LAIR1: variants seen among roughly 807,000 people sequenced by gnomAD.
LAIR1 encodes the protein leukocyte associated immunoglobulin like receptor 1.
A neutral mutation model predicts 32.8 loss-of-function variants in LAIR1; 24 were observed. The observed-to-expected ratio is 0.73, with a 90% CI of 0.53 to 1.03. The LOEUF (loss-of-function observed/expected upper bound fraction) is 1.03. Among genes scored for constraint, LAIR1 ranks in the 50% least tolerant of loss-of-function variants. The probability of loss-of-function intolerance (pLI) is 0.00; values close to 1 mark genes in which losing one functional copy is unlikely to be tolerated. For missense variants in LAIR1, 355 were observed against 347.5 expected, an observed-to-expected ratio of 1.02 and a Z score of -0.17; for synonymous variants, 150 against 140.5, an observed-to-expected ratio of 1.07 and a Z score of -0.48.
intron 7 of LAIR1, 43 bp from the exon 8 acceptor site, chr19:54,356,310 G>T: frequency 6.2e-7 from 1 of 1,606,796 alleles, no homozygotes; most frequent in Non-Finnish European, 8.5e-7. Context: ...CAGCCTGGCG[G>T]CCGAGGACTG....
chr19:54,371,449 A>AC (rs891437746), upstream of LAIR1, among the ~76,000 whole-genome samples: 1 of 150,884 alleles, frequency 6.6e-6, no homozygotes, highest in Non-Finnish European at 1.5e-5. Flanking sequence ...TAAGGGTGTG[A>AC]CCCCATACCC....
chr19:54,367,934 G>A (rs372495867), upstream of LAIR1, among the ~76,000 whole-genome samples: 3 of 150,018 alleles, frequency 2.0e-5, no homozygotes, highest in South Asian at 2.1e-4. Flanking sequence ...CACCACGCCC[G>A]GCTAATTTTT....
rs2082174003 is a variant in LAIR1 at position 54,364,567 on chromosome 19, C to T, written c.34+204G>A. On this transcript the variant is annotated intron_variant, in intron 1 of 9. Coordinates refer to ENST00000391742, the MANE Select transcript of LAIR1 (RefSeq NM_002287.6). This position sits in a 1 kb window ranked among gnomAD's most constrained non-coding sequence, Gnocchi z 4.8. ...CTCCCCCAGCCCTTCTTAAAGCTGA[C>T]CTCATCCCCACACCCGGGCCCCTGT... 4 of 792,894 alleles carry T rather than the reference C, an allele frequency of 5.0e-6. No individual in the cohort carries two copies. The African/African-American group carries it at 5.1e-5, about 10-fold the overall frequency. 49.1% of individuals were successfully genotyped at this position (792,894 alleles called of 1,614,324 possible).
upstream of LAIR1, among the ~76,000 whole-genome samples, chr19:54,371,145 T>TACTC (rs2082396508): frequency 6.6e-6 from 1 of 151,344 alleles, no homozygotes; most frequent in Non-Finnish European, 1.5e-5. Context: ...CTGTAGTGTA[T>TACTC]ACTCCAGCCT....
intron 5 of LAIR1, 71 bp downstream of exon 5, chr19:54,356,857 A>C: frequency 6.3e-7 from 1 of 1,579,788 alleles, no homozygotes; most frequent in Non-Finnish European, 8.7e-7. Flanking sequence ...GATCAACCCC[A>C]AAGCCTGACC....
At chr19:54,371,133 T>C (rs1337423890), upstream of LAIR1, among the ~76,000 whole-genome samples, 12 of 151,378 alleles carry the variant, frequency 7.9e-5, no homozygotes, top group Non-Finnish European at 1.6e-4. Context: ...GCATGTCTAT[T>C]TCTGTAGTGT....
chr19:54,355,337 C>A lies in LAIR1; in HGVS notation c.795G>T (p.Arg265=), dbSNP rs1286209288. Residue 265 remains arginine, a synonymous_variant, in exon 10 of 10, where the codon CGG becomes CGT. Transcript: ENST00000391742. This position sits in a 1 kb window ranked among gnomAD's most constrained non-coding sequence, Gnocchi z 4.7. ...DHWALTQRTA[R]AVSPQSTKPM... Reference sequence around the variant, plus strand: ...GCTTTGTGGACTGTGGGGACACAGCCCGGGCTGTCCTCTGTGTGAGGGCCC... The same window carrying A: ...GCTTTGTGGACTGTGGGGACACAGCACGGGCTGTCCTCTGTGTGAGGGCCC... 3 of 1,613,358 alleles carry A rather than the reference C, an allele frequency of 1.9e-6. No homozygotes were observed. The highest frequency in any genetic ancestry group is 2.5e-6 in the Non-Finnish European group (3 of 1,179,724).
chr19:54,362,648 C>T (rs921348849), intron 2 of LAIR1, among the ~76,000 whole-genome samples: 5 of 152,174 alleles, frequency 3.3e-5, no homozygotes, highest in Non-Finnish European at 7.4e-5. Context: ...CCACGCCCAG[C>T]TAATTTTTGT....
intron 4 of LAIR1, among the ~76,000 whole-genome samples, chr19:54,359,214 A>C (rs1438826233): frequency 1.3e-5 from 2 of 151,016 alleles, no homozygotes; most frequent in Non-Finnish European, 2.9e-5. Flanking sequence ...CCAAGGACGT[A>C]CTCTGGGGAT....
Position 54,352,811 on chromosome 19 carries a change from C to T in LAIR1, c.*2457G>A, listed in dbSNP as rs2081557065. 6.6e-6 allele frequency: 1 copy of T among 152,588 alleles called. No individual in the cohort carries two copies. The highest frequency in any genetic ancestry group is 1.5e-5 in the Non-Finnish European group (1 of 68,078). 9.5% of individuals were successfully genotyped at this position (152,588 alleles called of 1,614,324 possible). A position where few individuals can be genotyped will look rare whatever the true frequency, so the allele number is the denominator to read the frequency against. Reference sequence around the variant, plus strand: ...ACAAACAAGACGTTATGGGAGAAAACACCCAGCTGATGGTTGAAAAACAAC... The same window carrying T: ...ACAAACAAGACGTTATGGGAGAAAATACCCAGCTGATGGTTGAAAAACAAC... On this transcript the variant is annotated 3_prime_UTR_variant, in exon 10 of 10. Coordinates refer to ENST00000391742, the MANE Select transcript of LAIR1 (RefSeq NM_002287.6).
At position 54,364,408 on chromosome 19, in the gene LAIR1, G is replaced by A. The variant is rs755724106; in HGVS notation, c.35-78C>T. 1.3e-5 allele frequency: 20 copies of A among 1,560,588 alleles called. No homozygotes were observed. The highest frequency in any genetic ancestry group is 1.7e-5 in the Non-Finnish European group (19 of 1,132,150). ...GGCTGCTGTCAAAAGGGGGCTCGAT[G>A]GAGCTGGGGGGCATTCAGCATTTCA... is the stretch of plus-strand genomic sequence containing the variant. On this transcript the variant is annotated intron_variant, in intron 1 of 9. Transcript: ENST00000391742. This position sits in a 1 kb window ranked among gnomAD's most constrained non-coding sequence, Gnocchi z 4.8.
rs2081636639 is a variant in LAIR1, at chr19:54,355,170, T to C, written c.*98A>G. On this transcript the variant is annotated 3_prime_UTR_variant, in exon 10 of 10. Transcript: ENST00000391742. The surrounding 1 kb of genome is among the most constrained non-coding windows in gnomAD (Gnocchi z 4.7). ...ACAGCTGCCTGGCTGGCTTTCTAGA[T>C]GAAGAGGAATCCAACAGGAAGCCTT... The C allele has an allele frequency of 8.4e-6, 10 of 1,197,104 alleles. No homozygotes were observed. Among genetic ancestry groups the C allele is most frequent in the Non-Finnish European group, 1.2e-5 (10 of 853,580 alleles). The allele number at this position is 1,197,104 out of a possible 1,614,324, so 74.2% of individuals were successfully genotyped here.
At chr19:54,361,901 C>A (rs1045058255) in intron 2 of LAIR1, among the ~76,000 whole-genome samples, 1 of 152,058 alleles carries the variant, frequency 6.6e-6, no homozygotes, top group Non-Finnish European at 1.5e-5. Context: ...TTTATCTCAA[C>A]TGGGCTTGGG....
In LAIR1 at chr19:54,355,451, T is replaced by C; in HGVS notation, c.718-37A>G. ...AGACCCAGGGTGAGGGAGTGCCTGG[T>C]GGAGGGTGAGACGAGGGGCTGTGGG... On this transcript the variant is annotated intron_variant, in intron 9 of 9. Coordinates refer to ENST00000391742, the MANE Select transcript of LAIR1 (RefSeq NM_002287.6). This position sits in a 1 kb window ranked among gnomAD's most constrained non-coding sequence, Gnocchi z 4.7. 6.4e-7 allele frequency: 1 copy of C among 1,555,116 alleles called. No individual in the cohort carries two copies. The highest frequency in any genetic ancestry group is 8.7e-7 in the Non-Finnish European group (1 of 1,150,888).
rs761145385 is a variant in LAIR1, at chr19:54,356,560, C to T, written c.514G>A (p.Val172Met). Residue 172 changes from valine to methionine, a missense_variant, in exon 6 of 10, where the codon GTG (valine) becomes ATG (methionine). Coordinates refer to ENST00000391742, the MANE Select transcript of LAIR1 (RefSeq NM_002287.6). The stretch of plus-strand genomic sequence containing the variant: ...AGGAGGAGACAGAAGAGGAAGACCA[C>T]TGAGACCCCGATGAGAATATACAGA... Reference protein sequence around the residue: ...EHLYILIGVSVVFLFCLLLLV... With the variant: ...EHLYILIGVSMVFLFCLLLLV... 12 of 1,614,062 alleles carry T rather than the reference C, an allele frequency of 7.4e-6. No individual in the cohort carries two copies. In the Admixed American group the frequency reaches 2.0e-4, roughly 27 times the overall value.
Position 54,364,407 on chromosome 19 carries a change from T to A in LAIR1, c.35-77A>T. On this transcript the variant is annotated intron_variant, in intron 1 of 9. Transcript: ENST00000391742. This position sits in a 1 kb window ranked among gnomAD's most constrained non-coding sequence, Gnocchi z 4.8. ...GGGCTGCTGTCAAAAGGGGGCTCGA[T>A]GGAGCTGGGGGGCATTCAGCATTTC... The A allele has an allele frequency of 1.3e-6, 2 of 1,584,336 alleles. No homozygotes were observed. Among genetic ancestry groups the A allele is most frequent in the Non-Finnish European group, 1.7e-6 (2 of 1,153,396 alleles).
At chr19:54,369,922 G>A (rs2082364935), upstream of LAIR1, among the ~76,000 whole-genome samples, 1 of 150,056 alleles carries the variant, frequency 6.7e-6, no homozygotes. Context: ...TCTCAAGCTT[G>A]GACCTCGTGG....
chr19:54,359,087 AG>A (rs1471030379), intron 4 of LAIR1, among the ~76,000 whole-genome samples: 4 of 149,484 alleles, frequency 2.7e-5, no homozygotes, highest in Non-Finnish European at 5.9e-5. Context: ...GGAGCCTCTG[AG>A]GGGGTCCGGA....
chr19:54,369,086 G>A (rs2082341113), upstream of LAIR1, among the ~76,000 whole-genome samples: 1 of 150,454 alleles, frequency 6.6e-6, no homozygotes, highest in Admixed American at 6.6e-5. Flanking sequence ...CCTTCATCCA[G>A]GTCCCTCTAA....
Sources: allele counts gnomAD v4.1 joint callset (sites outside exome capture counted in the v4.1 genomes callset), GRCh38; gene constraint gnomAD v4.1.1; non-coding constraint Gnocchi (gnomAD v3.1); transcripts MANE v1.5; gene names NCBI Gene and HGNC (gene_info 2026-07-23, HGNC 2026-07-21).